FAM13A: variants seen among roughly 807,000 people sequenced by gnomAD.
FAM13A encodes family with sequence similarity 13 member A.
In FAM13A, 76 loss-of-function variants were observed where a neutral mutation model predicts 129.6. That is an observed-to-expected ratio of 0.59 (90% CI 0.49 to 0.71). The LOEUF is 0.71. FAM13A is among the 30% of genes least tolerant of loss of function. FAM13A has a pLI of 0.00. For missense variants in FAM13A, 1,108 were observed against 1,249.3 expected (o/e 0.89, Z 1.70); for synonymous variants, 443 against 449.9 (o/e 0.98, Z 0.20).
chr4:88,861,176 T>C (rs1238135540), intron 6 of FAM13A, among the ~76,000 whole-genome samples: 1 of 151,714 alleles, frequency 6.6e-6, no homozygotes, highest in South Asian at 2.1e-4. Context: ...AGGTCAGGAG[T>C]TCGTGACCAG....
intron 7 of FAM13A, chr4:88,823,361 TG>T (rs1322212509): frequency 2.9e-6 from 3 of 1,040,382 alleles, no homozygotes; most frequent in East Asian, 1.6e-4. Flanking sequence ...TGCTCCTCAA[TG>T]GTCCCTCCTC....
intron 17 of FAM13A, among the ~76,000 whole-genome samples, 175 bp downstream of exon 17, chr4:88,748,777 G>A (rs3822077): frequency 0.41 from 62,868 of 152,074 alleles, 15,148 homozygotes; most frequent in African/African-American, 0.66. Flanking sequence ...GGGTTGCCCT[G>A]TGACTGAGAC....
chr4:88,779,087 T>C (rs1006061572), intron 11 of FAM13A, among the ~76,000 whole-genome samples: 1 of 152,186 alleles, frequency 6.6e-6, no homozygotes, highest in East Asian at 1.9e-4. Flanking sequence ...TAATATACTT[T>C]ATTGTTTACT....
intron 3 of FAM13A, among the ~76,000 whole-genome samples, chr4:89,006,551 C>T (rs59188553): frequency 0.13 from 19,760 of 152,164 alleles, 1,517 homozygotes; most frequent in Non-Finnish European, 0.17. Flanking sequence ...TTTTGGGCTC[C>T]ACCCCCAAGG....
chr4:88,951,961 T>C (rs1352157673), intron 4 of FAM13A, among the ~76,000 whole-genome samples: 1 of 152,246 alleles, frequency 6.6e-6, no homozygotes, highest in Non-Finnish European at 1.5e-5. Context: ...GTTGAACTTA[T>C]TAATACTTTC....
chr4:88,937,846 T>A (rs1049383690), intron 5 of FAM13A: 6 of 549,412 alleles, frequency 1.1e-5, no homozygotes, highest in Non-Finnish European at 1.9e-5. Context: ...CTCATGCAAG[T>A]GTTTTTGAGA....
intron 5 of FAM13A, among the ~76,000 whole-genome samples, chr4:88,911,217 A>G (rs1312586520): frequency 6.6e-6 from 1 of 152,148 alleles, no homozygotes; most frequent in Non-Finnish European, 1.5e-5. Flanking sequence ...TCTTTCCTCC[A>G]GTCTCCAATC....
Position 88,756,160 on chromosome 4 carries a change from A to C in FAM13A, c.1726+2594T>G, listed in dbSNP as rs185299681. 1.1e-3 allele frequency among the ~76,000 whole-genome samples: 168 copies of C among 152,338 alleles called. 1 individual carries two copies. The highest frequency in any genetic ancestry group is 1.8e-3 in the Non-Finnish European group (125 of 68,024). On this transcript the variant is annotated intron_variant, in intron 14 of 23. Coordinates refer to ENST00000264344, the MANE Select transcript of FAM13A (RefSeq NM_014883.4). ...ATTCATTTAACTCTGGTGATTGGAA[A>C]TCCTAGTAATAATAGTCATGTGGCT...
intron 6 of FAM13A, among the ~76,000 whole-genome samples, chr4:88,889,382 A>G: frequency 6.6e-6 from 1 of 152,164 alleles, no homozygotes; most frequent in East Asian, 1.9e-4. Context: ...TGGAGTACTC[A>G]TGTATTATCA....
In FAM13A at chr4:88,933,978, T is replaced by C. The variant is rs531673802; in HGVS notation, c.759+4110A>G. Among the ~76,000 whole-genome samples, 164 of 152,298 alleles carry C rather than the reference T, an allele frequency of 1.1e-3. 2 individuals carry two copies. Among genetic ancestry groups the C allele is most frequent in the Non-Finnish European group, 1.9e-3 (127 of 68,024 alleles). On this transcript the variant is annotated intron_variant, in intron 5 of 23. Transcript: ENST00000264344. The stretch of plus-strand genomic sequence containing the variant: ...GGCCTCATTTCGTTTCAATTCCATC[T>C]TGCTCATGGTAATCCAACTGTACTG...
chr4:88,904,597 C>T (rs564165536), intron 6 of FAM13A, among the ~76,000 whole-genome samples: 275 of 152,230 alleles, frequency 1.8e-3, no homozygotes, highest in African/African-American at 6.0e-3. Flanking sequence ...AGGGGAATAA[C>T]ACACACTGGG....
At chr4:88,858,436 T>C (rs370625584) in intron 6 of FAM13A, among the ~76,000 whole-genome samples, 1 of 152,220 alleles carries the variant, frequency 6.6e-6, no homozygotes, top group Admixed American at 6.5e-5. Context: ...AAACATTTCA[T>C]TTTGTATACT....
At chr4:88,957,733 A>G (rs184160764) in intron 4 of FAM13A, among the ~76,000 whole-genome samples, 1 of 152,348 alleles carries the variant, frequency 6.6e-6, no homozygotes, top group Admixed American at 6.5e-5. Flanking sequence ...GCTGACAGAA[A>G]TATGGACGTT....
chr4:88,791,104 G>A (rs1283670378), intron 8 of FAM13A, among the ~76,000 whole-genome samples: 6 of 152,206 alleles, frequency 3.9e-5, no homozygotes, highest in Admixed American at 6.6e-5. Flanking sequence ...CAGTGGGGAC[G>A]ACAGGGATAG....
intron 1 of FAM13A, among the ~76,000 whole-genome samples, chr4:89,053,817 C>A (rs1579951783): frequency 6.6e-6 from 1 of 152,304 alleles, no homozygotes; most frequent in South Asian, 2.1e-4. Flanking sequence ...CCTCCTTCTT[C>A]ATCCACTAGA....
chr4:88,874,394 T>A (rs1240331237), intron 6 of FAM13A, among the ~76,000 whole-genome samples: 1 of 152,136 alleles, frequency 6.6e-6, no homozygotes, highest in Non-Finnish European at 1.5e-5. Flanking sequence ...GAAAACCCCA[T>A]CGTCTCAGCC....
At chr4:88,935,911 T>TA (rs1753780894) in intron 5 of FAM13A, among the ~76,000 whole-genome samples, 1 of 150,822 alleles carries the variant, frequency 6.6e-6, no homozygotes, top group Non-Finnish European at 1.5e-5. Context: ...AAGAAGAGAC[T>TA]ATCAGCGAGA....
At chr4:88,789,638 A>T (rs6825776) in intron 9 of FAM13A, among the ~76,000 whole-genome samples, 59,723 of 152,062 alleles carry the variant, frequency 0.39, 11,881 homozygotes, top group Non-Finnish European at 0.4. Flanking sequence ...AATGAACATG[A>T]CAGACAAGTT....
chr4:88,768,176 C>T, intron 11 of FAM13A, 117 bp from the exon 12 acceptor site: 1 of 556,724 alleles, frequency 1.8e-6, no homozygotes. Context: ...TAATTCTAGT[C>T]CTCATATTTT....
Sources: allele counts gnomAD v4.1 joint callset (sites outside exome capture counted in the v4.1 genomes callset), GRCh38; gene constraint gnomAD v4.1.1; transcripts MANE v1.5; gene names NCBI Gene and HGNC (gene_info 2026-07-23, HGNC 2026-07-21).